The following ZNF670 variants were observed in gnomAD, a reference collection of about 807,000 sequenced individuals.
ZNF670 encodes zinc finger protein 670.
ZNF670 carries 7 observed loss-of-function variants against 10.9 expected under a neutral mutation model. The observed-to-expected ratio is 0.64, with a 90% confidence interval of 0.36 to 1.20. The LOEUF (loss-of-function observed/expected upper bound fraction) is 1.20. ZNF670 is among the 50% of genes most tolerant of loss of function. The pLI is 0.02. For missense variants in ZNF670, 446 were observed against 458.6 expected (o/e 0.97, Z 0.25); for synonymous variants, 136 against 152.7 (o/e 0.89, Z 0.81).
At chr1:247,046,609 C>A (rs538849889) in intron 1 of ZNF670, among the ~76,000 whole-genome samples, 3 of 152,162 alleles carry the variant, frequency 2.0e-5, no homozygotes, top group African/African-American at 2.4e-5. Flanking sequence ...CAGGCAGAAG[C>A]CTGACATGAG....
intron 1 of ZNF670, chr1:247,043,091 C>T (rs971841402): frequency 1.1e-5 from 13 of 1,133,288 alleles, no homozygotes; most frequent in Non-Finnish European, 1.6e-5. Flanking sequence ...GCTTTCCAGG[C>T]TCAGGAAAAA....
At chr1:247,056,039 A>AAG (rs893036375) in intron 1 of ZNF670, among the ~76,000 whole-genome samples, 2 of 151,986 alleles carry the variant, frequency 1.3e-5, no homozygotes, top group African/African-American at 2.4e-5. Context: ...AATAGAGCTA[A>AAG]AGAGAGAGAG....
Position 247,037,993 on chromosome 1 carries a change from G to A in ZNF670, c.626C>T (p.Ser209Leu), listed in dbSNP as rs770647087. 1.2e-6 allele frequency: 2 copies of A among 1,613,488 alleles called. No homozygotes were observed. The highest frequency in any genetic ancestry group is 1.7e-6 in the Non-Finnish European group (2 of 1,179,764). Residue 209 changes from serine (S) to leucine (L), a missense_variant, in exon 4 of 4, where the codon TCA (serine) becomes TTA (leucine). Physicochemically the swap from Ser to Leu is moderately radical, Grantham distance 145. Transcript: ENST00000366503. ...TCTTTCATGTTCACGAAGATAACTT[G>A]AATAATTGAAGGCTTTATCACAATG... ...CKHCDKAFNY[S>L]SYLREHERTH... is the part of the protein sequence containing the mutation.
At chr1:247,072,319 T>TG (rs1325479690) in intron 1 of ZNF670, among the ~76,000 whole-genome samples, 1 of 113,702 alleles carries the variant, frequency 8.8e-6, no homozygotes, top group Non-Finnish European at 1.9e-5. Flanking sequence ...CCTGGTTTTG[T>TG]TTTTTTTTTT....
At chr1:247,071,709 C>A (rs1671119007) in intron 1 of ZNF670, among the ~76,000 whole-genome samples, 2 of 151,926 alleles carry the variant, frequency 1.3e-5, no homozygotes, top group Admixed American at 6.6e-5. Context: ...TAATATGAAA[C>A]CTTTTATACC....
chr1:247,049,159 T>C (rs273378), intron 1 of ZNF670, among the ~76,000 whole-genome samples: 84,768 of 147,474 alleles, frequency 0.57, 26,842 homozygotes, highest in African/African-American at 0.84. Flanking sequence ...AGTGCAGTGG[T>C]GCAATCTCAG....
chr1:247,072,093 G>A (rs1251705199), intron 1 of ZNF670, among the ~76,000 whole-genome samples: 4 of 151,344 alleles, frequency 2.6e-5, no homozygotes, highest in African/African-American at 4.9e-5. Context: ...TCCTGACCTC[G>A]TGATCTGCCC....
intron 1 of ZNF670, among the ~76,000 whole-genome samples, chr1:247,049,366 C>T (rs914015598): frequency 1.3e-5 from 2 of 151,902 alleles, no homozygotes; most frequent in African/African-American, 4.8e-5. Flanking sequence ...ATGCCTGGCC[C>T]TCCTGTTTCA....
chr1:247,038,751 A>G (rs1670229413), intron 3 of ZNF670, 59 bp downstream of exon 3: 2 of 1,451,014 alleles, frequency 1.4e-6, no homozygotes, highest in African/African-American at 2.8e-5. Context: ...TGTTTTAAAA[A>G]CTTATGACAT....
intron 1 of ZNF670, chr1:247,042,854 C>A: frequency 1.7e-6 from 1 of 594,444 alleles, no homozygotes; most frequent in African/African-American, 1.8e-5. Flanking sequence ...GAGGCTCTTT[C>A]CCTATTCTCT....
chr1:247,043,329 G>A (rs1468937451), intron 1 of ZNF670: 9 of 580,470 alleles, frequency 1.6e-5, no homozygotes, highest in South Asian at 1.1e-4. Context: ...GTCTTCGGTG[G>A]TATATTCTGG....
At position 247,034,786 on chromosome 1, in the gene ZNF670, A is replaced by G. The variant is rs1670107966; in HGVS notation, c.*2663T>C. On this transcript the variant is annotated 3_prime_UTR_variant, in exon 4 of 4. Transcript: ENST00000366503. ...TAATAACGTTCACATGGCTACTCCA[A>G]GCATCCAGTGATGGCAACCAAACGA... Among the ~76,000 whole-genome samples, 1 of 152,218 alleles carries G rather than the reference A, an allele frequency of 6.6e-6. No individual in the cohort carries two copies.
intron 1 of ZNF670, among the ~76,000 whole-genome samples, chr1:247,075,445 T>C (rs1174322838): frequency 6.6e-6 from 1 of 152,218 alleles, no homozygotes; most frequent in Non-Finnish European, 1.5e-5. Flanking sequence ...CCTGGTAACA[T>C]TTTGATATAG....
Position 247,078,727 on chromosome 1 carries a change from G to C in ZNF670, c.-131C>G, listed in dbSNP as rs1392012584. The C allele has an allele frequency of 2.0e-6, 2 of 1,005,572 alleles. No individual in the cohort carries two copies. Among genetic ancestry groups the C allele is most frequent in the Non-Finnish European group, 3.0e-6 (2 of 675,836 alleles). The allele number at this position is 1,005,572 out of a possible 1,614,324, so 62.3% of individuals were successfully genotyped here. The stretch of plus-strand genomic sequence containing the variant: ...GGGGAAGGAGCAGCGGAGACGCACC[G>C]AGCTCGCCACATTCGCGCTGCCCAA... On this transcript the variant is annotated 5_prime_UTR_variant, in exon 1 of 4. Coordinates refer to ENST00000366503, the MANE Select transcript of ZNF670 (RefSeq NM_033213.5).
At chr1:247,064,127 T>C (rs1265646471) in intron 1 of ZNF670, among the ~76,000 whole-genome samples, 1 of 152,222 alleles carries the variant, frequency 6.6e-6, no homozygotes, top group Non-Finnish European at 1.5e-5. Flanking sequence ...TTCTAGAGTG[T>C]CCCTGCATCT....
intron 1 of ZNF670, among the ~76,000 whole-genome samples, chr1:247,071,239 A>T (rs1671106805): frequency 6.6e-6 from 1 of 152,234 alleles, no homozygotes. Context: ...AGCAACAGTA[A>T]AATGGATAAA....
At chr1:247,063,931 G>A (rs928282030) in intron 1 of ZNF670, among the ~76,000 whole-genome samples, 2 of 152,198 alleles carry the variant, frequency 1.3e-5, no homozygotes, top group African/African-American at 2.4e-5. Context: ...GGGATCCCAC[G>A]TGCTGGCACA....
At chr1:247,072,318 G>GTT (rs542453281) in intron 1 of ZNF670, among the ~76,000 whole-genome samples, 8 of 138,408 alleles carry the variant, frequency 5.8e-5, no homozygotes, top group Admixed American at 2.2e-4. Flanking sequence ...GCCTGGTTTT[G>GTT]TTTTTTTTTT....
At position 247,037,410 on chromosome 1, in the gene ZNF670, C is replaced by G; in HGVS notation, c.*39G>C. 6.5e-7 allele frequency: 1 copy of G among 1,544,872 alleles called. No homozygotes were observed. Among genetic ancestry groups the G allele is most frequent in the South Asian group, 1.3e-5 (1 of 77,842 alleles). On this transcript the variant is annotated 3_prime_UTR_variant, in exon 4 of 4. Coordinates refer to ENST00000366503, the MANE Select transcript of ZNF670 (RefSeq NM_033213.5). ...TAGAATAACTGAAAGCTTTAACACA[C>G]TTCTTACATTGACAGAGGTGTTTTG...
Sources: allele counts gnomAD v4.1 joint callset (sites outside exome capture counted in the v4.1 genomes callset), GRCh38; gene constraint gnomAD v4.1.1; transcripts MANE v1.5; gene names NCBI Gene and HGNC (gene_info 2026-07-23, HGNC 2026-07-21).